Variants in BOD1L1 observed in about 807,000 individuals in gnomAD.
BOD1L1 encodes biorientation of chromosomes in cell division protein 1-like 1.
A neutral mutation model predicts 240.7 loss-of-function variants in BOD1L1; 86 were observed. The observed-to-expected ratio is 0.36, with a 90% CI of 0.30 to 0.43. The LOEUF is 0.43. BOD1L1 is among the 20% of genes least tolerant of loss of function. The pLI, the probability that BOD1L1 is intolerant of heterozygous loss-of-function variation, is 1.00. For missense variants in BOD1L1, 3,554 were observed against 3,643.5 expected, an observed-to-expected ratio of 0.98 and a Z score of 0.63; for synonymous variants, 1,268 against 1,272.3, an observed-to-expected ratio of 1.00 and a Z score of 0.07.
At position 13,603,730 on chromosome 4, in the gene BOD1L1, C is replaced by T. The variant is rs375601980; in HGVS notation, c.3170G>A (p.Gly1057Asp). Residue 1057 changes from glycine (G) to aspartate (D), a missense_variant, in exon 10 of 26, where the codon GGT becomes GAT. Transcript: ENST00000040738. ...EVDSSHEKAR[G>D]NSSLMEKKLS... ...TTTCTTTTCCATGAGTGAACTATTACCTCTGGCCTTTTCATGACTACTGTC... is the reference window on the plus strand; with the variant it reads ...TTTCTTTTCCATGAGTGAACTATTATCTCTGGCCTTTTCATGACTACTGTC... The T allele has an allele frequency of 2.5e-6, 4 of 1,613,918 alleles. No homozygotes were observed. The highest frequency in any genetic ancestry group is 1.6e-4 in the Middle Eastern group (1 of 6,062).
chr4:13,591,994 A>T, intron 12 of BOD1L1, 28 bp from the exon 13 acceptor site: 1 of 1,506,672 alleles, frequency 6.6e-7, no homozygotes, highest in Non-Finnish European at 8.9e-7. Context: ...TGAGATGTAA[A>T]GAAACTGAAT....
intron 25 of BOD1L1, among the ~76,000 whole-genome samples, chr4:13,573,980 C>T (rs2108876623): frequency 6.6e-6 from 1 of 152,218 alleles, no homozygotes; most frequent in African/African-American, 2.4e-5. Context: ...CCCAGCTGCA[C>T]ATTTGCTTCT....
intron 19 of BOD1L1, among the ~76,000 whole-genome samples, chr4:13,581,929 T>C (rs1192251428): frequency 6.6e-6 from 1 of 152,184 alleles, no homozygotes; most frequent in Non-Finnish European, 1.5e-5. Context: ...GTGCCTGGCC[T>C]GGCAGCTCAG....
At chr4:13,626,319 C>CAA (rs71169520) in intron 1 of BOD1L1, 468 of 46,098 alleles carry the variant, frequency 0.01, no homozygotes, top group African/African-American at 0.011. Context: ...GACTCTGTCT[C>CAA]AAAAAAAAAA....
At position 13,570,135 on chromosome 4, in the gene BOD1L1, T is replaced by C; in HGVS notation, c.9039-7A>G. The C allele has an allele frequency of 6.4e-7, 1 of 1,558,310 alleles. No homozygotes were observed. On this transcript the variant is annotated splice_region_variant and splice_polypyrimidine_tract_variant and intron_variant, in intron 25 of 25. Transcript: ENST00000040738. ...GGAGAGCTGTGTCTTTGATCTGCAT[T>C]AAGCAAAGTCAAGGCAATGGTGAGG...
chr4:13,576,820 C>G lies in BOD1L1; in HGVS notation c.9038+18G>C, dbSNP rs555953963. 1 of 1,600,354 alleles carries G rather than the reference C, an allele frequency of 6.2e-7. No homozygotes were observed. The highest frequency in any genetic ancestry group is 1.8e-5 in the Admixed American group (1 of 56,252). On this transcript the variant is annotated intron_variant, in intron 25 of 25. Coordinates refer to ENST00000040738, the MANE Select transcript of BOD1L1 (RefSeq NM_148894.3). ...AAGCTGGTGAAGGTCTCTGGCAGCT[C>G]TGTGCTGCCCCCATTACCTCTGAGC...
At chr4:13,586,636 G>C (rs74773079) in intron 16 of BOD1L1, among the ~76,000 whole-genome samples, 161 bp from the exon 17 acceptor site, 2,777 of 152,272 alleles carry the variant, frequency 0.018, 45 homozygotes, top group Middle Eastern at 0.088. Flanking sequence ...TTTGAGCACT[G>C]AACACTTGCC....
In BOD1L1 at chr4:13,601,296, C is replaced by T. The variant is rs745518451; in HGVS notation, c.5604G>A (p.Glu1868=). The change falls in exon 10 of 26, where the codon GAG becomes GAA. Residue 1868 remains glutamate, a synonymous_variant. Transcript: ENST00000040738. ...TGAKEEDEEG[E]DVVTSTGRGN... ...CTCTTCCAGTACTAGTCACAACATC[C>T]TCCCCTTCCTCGTCTTCCTCTTTTG... 1.2e-6 allele frequency: 2 copies of T among 1,613,866 alleles called. No homozygotes were observed. Among genetic ancestry groups the T allele is most frequent in the Non-Finnish European group, 1.7e-6 (2 of 1,179,904 alleles).
At chr4:13,571,308 G>C (rs1712188328) in intron 25 of BOD1L1, among the ~76,000 whole-genome samples, 1 of 152,182 alleles carries the variant, frequency 6.6e-6, no homozygotes, top group Non-Finnish European at 1.5e-5. Flanking sequence ...AAAATTGCAG[G>C]AGATGGAGAA....
Position 13,602,448 on chromosome 4 carries a change from G to T in BOD1L1, c.4452C>A (p.Thr1484=). Residue 1484 remains threonine, a synonymous_variant, in exon 10 of 26, where the codon ACC becomes ACA. Transcript: ENST00000040738. ...AGGGTGCAGAGCCACTTCCAGCACT[G>T]GTGTCTACCTCACTGTTTTCATTCC... is the stretch of plus-strand genomic sequence containing the variant. ...ERRNENSEVD[T]SAGSGSAPSV... 3 of 1,613,948 alleles carry T rather than the reference G, an allele frequency of 1.9e-6. No individual in the cohort carries two copies. Among genetic ancestry groups the T allele is most frequent in the Non-Finnish European group, 2.5e-6 (3 of 1,179,886 alleles).
intron 10 of BOD1L1, 137 bp downstream of exon 10, chr4:13,598,808 TA>T: frequency 1.1e-6 from 1 of 873,694 alleles, no homozygotes; most frequent in African/African-American, 1.7e-5. Flanking sequence ...TTTGCAACAT[TA>T]TGATATGAGA....
chr4:13,622,229 C>T (rs1185743827), intron 1 of BOD1L1, among the ~76,000 whole-genome samples: 2 of 152,106 alleles, frequency 1.3e-5, no homozygotes. Context: ...TTCCGGTATT[C>T]CCAAATCTAA....
In BOD1L1 at chr4:13,609,319, T is replaced by G; in HGVS notation, c.1579A>C (p.Lys527Gln). The G allele has an allele frequency of 1.3e-6, 2 of 1,554,076 alleles. No individual in the cohort carries two copies. The highest frequency in any genetic ancestry group is 1.4e-5 in the African/African-American group (1 of 72,772). ...EKRKQKAEKTKSSKTKGQGRS... is the reference protein window; with the variant it reads ...EKRKQKAEKTQSSKTKGQGRS... The stretch of plus-strand genomic sequence containing the variant: ...CCTTGACCCTTGGTTTTTGAAGACT[T>G]TGTCTTTTCTGCTTTCTGTTTTCGT... Residue 527 changes from lysine (K) to glutamine (Q), a missense_variant, in exon 7 of 26, where the codon AAG (lysine) becomes CAG (glutamine). Physicochemically the swap from Lys to Gln is moderately conservative, Grantham distance 53. Coordinates refer to ENST00000040738, the MANE Select transcript of BOD1L1 (RefSeq NM_148894.3).
intron 1 of BOD1L1, among the ~76,000 whole-genome samples, chr4:13,620,887 C>T (rs1307640241): frequency 6.6e-6 from 1 of 152,184 alleles, no homozygotes; most frequent in Non-Finnish European, 1.5e-5. Flanking sequence ...GGCAATGGTT[C>T]TCTACCAAGA....
At chr4:13,622,631 T>C (rs1366335130) in intron 1 of BOD1L1, among the ~76,000 whole-genome samples, 5 of 152,218 alleles carry the variant, frequency 3.3e-5, no homozygotes, top group Non-Finnish European at 5.9e-5. Flanking sequence ...CCACTACCTT[T>C]ACTGACCTCA....
Position 13,603,728 on chromosome 4 carries a change from T to C in BOD1L1, c.3172A>G (p.Asn1058Asp). 6.2e-7 allele frequency: 1 copy of C among 1,613,986 alleles called. No homozygotes were observed. Among genetic ancestry groups the C allele is most frequent in the Non-Finnish European group, 8.5e-7 (1 of 1,179,884 alleles). ...VDSSHEKARGNSSLMEKKLSR... is the reference protein window; with the variant it reads ...VDSSHEKARGDSSLMEKKLSR... Reference sequence around the variant, plus strand: ...AATTTCTTTTCCATGAGTGAACTATTACCTCTGGCCTTTTCATGACTACTG... The same window carrying C: ...AATTTCTTTTCCATGAGTGAACTATCACCTCTGGCCTTTTCATGACTACTG... Residue 1058 changes from asparagine (N) to aspartate (D), a missense_variant, in exon 10 of 26, where the codon AAT becomes GAT. Asn to Asp is a conservative substitution (Grantham distance 23). Around this residue, in one of 2 missense-constraint regions of BOD1L1, gnomAD observed 3,393 missense variants for 3,427.1 expected, o/e 0.99. Transcript: ENST00000040738.
intron 12 of BOD1L1, among the ~76,000 whole-genome samples, chr4:13,593,698 G>T (rs866998501): frequency 2.2e-4 from 33 of 152,118 alleles, no homozygotes; most frequent in Non-Finnish European, 3.2e-4. Flanking sequence ...TTCAGTGAAT[G>T]ACTTACTTCC....
Position 13,600,253 on chromosome 4 carries a change from C to T in BOD1L1, c.6647G>A (p.Cys2216Tyr). 1 of 1,614,024 alleles carries T rather than the reference C, an allele frequency of 6.2e-7. No homozygotes were observed. Among genetic ancestry groups the T allele is most frequent in the Non-Finnish European group, 8.5e-7 (1 of 1,179,896 alleles). Residue 2216 changes from cysteine (C) to tyrosine (Y), a missense_variant, in exon 10 of 26, where the codon TGT becomes TAT. Around this residue, in one of 2 missense-constraint regions of BOD1L1, gnomAD observed 3,393 missense variants for 3,427.1 expected, o/e 0.99. Transcript: ENST00000040738. The stretch of plus-strand genomic sequence containing the variant: ...TGCTATGCTAGTGGAAATGAGAGCA[C>T]ATTCATCCTTCTCCTCCTTGCTGGT... ...ASTSKEEKDE[C>Y]ALISTSIAEE...
At chr4:13,580,264 T>C (rs116691603) in intron 21 of BOD1L1, among the ~76,000 whole-genome samples, 5 of 152,216 alleles carry the variant, frequency 3.3e-5, no homozygotes, top group African/African-American at 1.2e-4. Flanking sequence ...ATTTTACATG[T>C]TGCTAAATGC....
Sources: allele counts gnomAD v4.1 joint callset (sites outside exome capture counted in the v4.1 genomes callset), GRCh38; gene constraint gnomAD v4.1.1; regional missense constraint gnomAD v4.1.1; transcripts MANE v1.5; gene names NCBI Gene and HGNC (gene_info 2026-07-23, HGNC 2026-07-21).